NUCB2: variants seen among roughly 807,000 people sequenced by gnomAD.
NUCB2 encodes nucleobindin-2.
In NUCB2, 48 loss-of-function variants were observed where a neutral mutation model predicts 57.9. The ratio of observed to expected loss-of-function variants is 0.83; its 90% CI spans 0.66 to 1.05. The LOEUF (loss-of-function observed/expected upper bound fraction) is 1.05, where lower values mean the gene tolerates loss of function less well. Ranked by LOEUF, NUCB2 falls within the 50% of genes least tolerant of loss-of-function variation. The pLI, the probability that NUCB2 is intolerant of heterozygous loss-of-function variation, is 0.00. For missense variants in NUCB2, 442 were observed against 476.2 expected (o/e 0.93, Z 0.67); for synonymous variants, 139 against 152.1 (o/e 0.91, Z 0.64).
At chr11:17,338,373 A>C (rs1226537308) in intron 2 of NUCB2, among the ~76,000 whole-genome samples, 1 of 152,206 alleles carries the variant, frequency 6.6e-6, no homozygotes, top group African/African-American at 2.4e-5. Context: ...ATTGTCAGCC[A>C]GCCCTTGACA....
intron 2 of NUCB2, among the ~76,000 whole-genome samples, chr11:17,288,552 C>CTTCTTTTTTTTTTTTTTTTTTT (rs1375589442): frequency 2.0e-5 from 2 of 101,190 alleles, no homozygotes; most frequent in African/African-American, 8.8e-5. Flanking sequence ...TCTTCTTCTT[C>CTTCTTTTTTTTTTTTTTTTTTT]TTTTTTTTTT....
chr11:17,336,296 G>T (rs1445575063), downstream of NUCB2, among the ~76,000 whole-genome samples: 1 of 152,036 alleles, frequency 6.6e-6, no homozygotes, highest in African/African-American at 2.4e-5. Context: ...CTAAAAATTA[G>T]ACATCTGAAA....
At chr11:17,284,495 T>C (rs553590175) in intron 2 of NUCB2, among the ~76,000 whole-genome samples, 2 of 152,348 alleles carry the variant, frequency 1.3e-5, no homozygotes, top group South Asian at 4.1e-4. Context: ...GTCAATCTTT[T>C]AGAGTTTTTA....
At position 17,310,966 on chromosome 11, in the gene NUCB2, GA is replaced by G; in HGVS notation, c.628del (p.Met210Ter). On this transcript the variant is annotated frameshift_variant, in exon 7 of 14. Coordinates refer to ENST00000529010, the MANE Select transcript of NUCB2 (RefSeq NM_005013.4). LOFTEE classifies it high-confidence loss of function. ...AAAAGAAGAAGAGTCTAAATTTGAA[GA>G]AATGAAGAAAAAGCATGAAAATCAC... Reference protein sequence around the residue: ...KRKEEESKFEEMKKKHENHPK... With the variant: ...KRKEEESKFEXMKKKHENHPK... 1 of 1,583,718 alleles carries G rather than the reference GA, an allele frequency of 6.3e-7. No homozygotes were observed. Among genetic ancestry groups the G allele is most frequent in the Non-Finnish European group, 8.5e-7 (1 of 1,172,642 alleles).
chr11:17,283,903 A>C (rs1943162906), intron 2 of NUCB2, among the ~76,000 whole-genome samples: 1 of 150,860 alleles, frequency 6.6e-6, no homozygotes, highest in Middle Eastern at 3.4e-3. Flanking sequence ...AGCTAAAAGT[A>C]GTTTGTTCTT....
chr11:17,281,366 C>T (rs1298114403), intron 1 of NUCB2, among the ~76,000 whole-genome samples: 3 of 152,008 alleles, frequency 2.0e-5, no homozygotes, highest in Admixed American at 6.6e-5. Context: ...GTGATCCACC[C>T]GCCTCAGCCT....
intron 8 of NUCB2, 108 bp downstream of exon 8, chr11:17,311,391 T>A: frequency 1.3e-6 from 1 of 752,768 alleles, no homozygotes; most frequent in Non-Finnish European, 2.1e-6. Context: ...CTAGTGAGAG[T>A]AAATGGTTAG....
chr11:17,336,820 A>G (rs1290771430), downstream of NUCB2, among the ~76,000 whole-genome samples: 5 of 151,176 alleles, frequency 3.3e-5, no homozygotes, highest in East Asian at 5.8e-4. Context: ...TTTTATGCCA[A>G]GATTTGTTTA....
At chr11:17,345,883 C>G (rs1207037288) in intron 2 of NUCB2, among the ~76,000 whole-genome samples, 1 of 151,970 alleles carries the variant, frequency 6.6e-6, no homozygotes, top group Non-Finnish European at 1.5e-5. Flanking sequence ...GATAGAGAAT[C>G]AGAAAAACAG....
At chr11:17,311,164 T>A in intron 7 of NUCB2, 29 bp from the exon 8 acceptor site, 1 of 1,552,606 alleles carries the variant, frequency 6.4e-7, no homozygotes, top group Non-Finnish European at 8.7e-7. Context: ...ATATTTTGTT[T>A]TGAGCAATTT....
At chr11:17,308,528 T>A (rs1397249145) in intron 5 of NUCB2, among the ~76,000 whole-genome samples, 1 of 152,202 alleles carries the variant, frequency 6.6e-6, no homozygotes, top group Non-Finnish European at 1.5e-5. Context: ...GTATATTCCT[T>A]CTTCCTAAAT....
At chr11:17,312,501 TC>T (rs541471652) in intron 10 of NUCB2, among the ~76,000 whole-genome samples, 58 of 151,908 alleles carry the variant, frequency 3.8e-4, no homozygotes, top group African/African-American at 1.3e-3. Flanking sequence ...CCTCCCAGAT[TC>T]AAGCAATTCT....
chr11:17,319,675 T>G (rs1008967664), intron 11 of NUCB2, among the ~76,000 whole-genome samples: 1 of 152,178 alleles, frequency 6.6e-6, no homozygotes. Flanking sequence ...AACTCATGAA[T>G]TTACACTGAT....
At chr11:17,315,749 AATATAG>A (rs1241392401) in intron 11 of NUCB2, among the ~76,000 whole-genome samples, 3 of 152,210 alleles carry the variant, frequency 2.0e-5, no homozygotes, top group South Asian at 2.1e-4. Flanking sequence ...GAAAATTAGA[AATATAG>A]ATATATTGAA....
chr11:17,299,536 T>C (rs1004720875), intron 4 of NUCB2, among the ~76,000 whole-genome samples: 2 of 152,194 alleles, frequency 1.3e-5, no homozygotes, highest in Non-Finnish European at 2.9e-5. Context: ...CTAATGCTTA[T>C]AGAGGCCCAC....
intron 5 of NUCB2, 75 bp downstream of exon 5, chr11:17,301,945 G>A: frequency 7.7e-7 from 1 of 1,299,158 alleles, no homozygotes; most frequent in South Asian, 1.4e-5. Context: ...TGTGGTTCAG[G>A]CTGGAGTGCA....
At chr11:17,284,069 C>T (rs1236358635) in intron 2 of NUCB2, among the ~76,000 whole-genome samples, 1 of 152,140 alleles carries the variant, frequency 6.6e-6, no homozygotes, top group East Asian at 1.9e-4. Context: ...CACTCTTTCA[C>T]CCACGCTGGA....
chr11:17,348,848 C>T lies in NUCB2; in HGVS notation n.2627-497C>T, dbSNP rs574333123. On this transcript the variant is annotated intron_variant and non_coding_transcript_variant, in intron 2 of 2. Coordinates refer to the NUCB2 transcript ENST00000532240. ...GGCTGGAGTGCAACGGCATTGATCT[C>T]GGCTCACTGCAACCTCCGCTTCCCG... Among the ~76,000 whole-genome samples, 11 of 151,898 alleles carry T rather than the reference C, an allele frequency of 7.2e-5. 1 individual carries two copies. The highest frequency in any genetic ancestry group is 1.9e-4 in the African/African-American group (8 of 41,404).
At chr11:17,292,082 A>T (rs1238724951) in intron 2 of NUCB2, among the ~76,000 whole-genome samples, 1 of 152,104 alleles carries the variant, frequency 6.6e-6, no homozygotes, top group Non-Finnish European at 1.5e-5. Context: ...GATCTGTACT[A>T]AAAAGAATAA....
Sources: gnomAD v4.1 joint callset for allele counts (sites outside exome capture counted in the v4.1 genomes callset) on GRCh38, gnomAD v4.1.1 for gene constraint, MANE v1.5 for transcripts, NCBI Gene and HGNC (gene_info 2026-07-23, HGNC 2026-07-21) for gene names.